CNGA1: variants seen among roughly 807,000 people sequenced by gnomAD.
The protein encoded by CNGA1 is cyclic nucleotide gated channel subunit alpha 1, also known as cyclic nucleotide-gated channel alpha-1.
A neutral mutation model predicts 69.7 loss-of-function variants in CNGA1; 53 were observed. That is an observed-to-expected ratio of 0.76 (90% CI 0.61 to 0.96). The LOEUF is 0.96. Ranked by LOEUF, CNGA1 falls within the 40% of genes least tolerant of loss-of-function variation. CNGA1 has a pLI of 0.00. For missense variants in CNGA1, 739 were observed against 811.2 expected, an observed-to-expected ratio of 0.91 and a Z score of 1.08; for synonymous variants, 249 against 283.5, an observed-to-expected ratio of 0.88 and a Z score of 1.22.
At chr4:47,956,094 G>C (rs544452814) in intron 3 of CNGA1, among the ~76,000 whole-genome samples, 1 of 152,300 alleles carries the variant, frequency 6.6e-6, no homozygotes, top group Non-Finnish European at 1.5e-5. Context: ...TACTGAGTCT[G>C]CTTTGCAGCT....
intron 1 of CNGA1, chr4:48,013,029 T>C (rs1467818915): frequency 1.3e-5 from 2 of 152,186 alleles, no homozygotes; most frequent in African/African-American, 4.8e-5. Context: ...AAATTTGTCT[T>C]TCTTGATAGA....
At chr4:47,954,424 G>A (rs900421023) in intron 3 of CNGA1, among the ~76,000 whole-genome samples, 1 of 152,204 alleles carries the variant, frequency 6.6e-6, no homozygotes, top group East Asian at 1.9e-4. Context: ...GCCCACTTGG[G>A]CTCTGGCACC....
intron 3 of CNGA1, among the ~76,000 whole-genome samples, chr4:47,973,285 C>G (rs907839279): frequency 1.3e-5 from 2 of 151,958 alleles, no homozygotes; most frequent in Non-Finnish European, 2.9e-5. Flanking sequence ...CCATTTTGGC[C>G]AGGCTGGTTT....
chr4:47,937,378 A>C lies in CNGA1; in HGVS notation c.1104T>G (p.Asp368Glu). The change falls in exon 11 of 11, where the codon GAT (aspartate) becomes GAG (glutamate). Residue 368 changes from aspartate (D) to glutamate (E), a missense_variant. Transcript: ENST00000514170. The stretch of plus-strand genomic sequence containing the variant: ...CAACCACCACAAAGACATACTCAGA[A>C]TCCCTCACGGGAGGGGGTGTTTCAC... ...TIGETPPPVRDSEYVFVVVDF... is the reference protein window; with the variant it reads ...TIGETPPPVRESEYVFVVVDF... 1 of 1,614,160 alleles carries C rather than the reference A, an allele frequency of 6.2e-7. No individual in the cohort carries two copies. Among genetic ancestry groups the C allele is most frequent in the Non-Finnish European group, 8.5e-7 (1 of 1,180,020 alleles).
rs1271366557 is a variant in CNGA1, at chr4:47,943,279, A to T, written c.339T>A (p.Asp113Glu). The T allele has an allele frequency of 1.3e-6, 2 of 1,543,840 alleles. No homozygotes were observed. The highest frequency in any genetic ancestry group is 1.2e-5 in the South Asian group (1 of 82,596). Residue 113 changes from aspartate (D) to glutamate (E), a missense_variant, in exon 8 of 11, where the codon GAT becomes GAA. By Grantham distance (45) the Asp-to-Glu change is conservative. Transcript: ENST00000514170. ...GGTCGTTTTTATTTTCGTTTTTATC[A>T]TCTGACTTGCTGAAAAAATTAAGCA... is the stretch of plus-strand genomic sequence containing the variant. ...KKKKEKKSKS[D>E]DKNENKNDPE...
At chr4:47,984,661 TATACACACAC>T (rs1288050020) in intron 2 of CNGA1, among the ~76,000 whole-genome samples, 7 of 96,966 alleles carry the variant, frequency 7.2e-5, no homozygotes, top group African/African-American at 1.2e-4. Flanking sequence ...TATATATATA[TATACACACAC>T]ACACACACAC....
chr4:48,014,098 G>C (rs1715277442), intron 1 of CNGA1, among the ~76,000 whole-genome samples: 1 of 152,200 alleles, frequency 6.6e-6, no homozygotes, highest in Non-Finnish European at 1.5e-5. Flanking sequence ...GAGGGTCTCA[G>C]TTATTATCGC....
At chr4:48,007,147 ATTTG>A (rs1714955205) in intron 2 of CNGA1, among the ~76,000 whole-genome samples, 1 of 152,162 alleles carries the variant, frequency 6.6e-6, no homozygotes, top group African/African-American at 2.4e-5. Context: ...AGCCAAATAA[ATTTG>A]TTTTTCAAAA....
At chr4:47,949,727 T>G in intron 6 of CNGA1, 106 bp downstream of exon 6, 1 of 797,778 alleles carries the variant, frequency 1.3e-6, no homozygotes, top group Non-Finnish European at 2.1e-6. Context: ...TATTAGATCA[T>G]TTGATTAATA....
chr4:47,988,509 C>T (rs16851699), intron 2 of CNGA1, among the ~76,000 whole-genome samples: 1,576 of 152,004 alleles, frequency 0.01, 20 homozygotes, highest in African/African-American at 0.035. Context: ...TAAACTCCAC[C>T]TTAAATGGGT....
At chr4:47,960,326 A>G (rs146297797) in intron 3 of CNGA1, among the ~76,000 whole-genome samples, 207 of 152,340 alleles carry the variant, frequency 1.4e-3, no homozygotes, top group South Asian at 2.1e-3. Flanking sequence ...ACTGTCTGGC[A>G]GTTACCTACA....
At chr4:47,982,479 G>A (rs937840389) in intron 2 of CNGA1, among the ~76,000 whole-genome samples, 4 of 151,876 alleles carry the variant, frequency 2.6e-5, no homozygotes, top group Non-Finnish European at 5.9e-5. Context: ...TTCCAGAATT[G>A]TAAAAATTAA....
intron 4 of CNGA1, among the ~76,000 whole-genome samples, chr4:47,952,208 C>A (rs1350695083): frequency 1.7e-4 from 26 of 149,214 alleles, no homozygotes; most frequent in Admixed American, 1.7e-3. Context: ...ACTAAAAATA[C>A]AAAAAAAAAA....
At chr4:48,012,503 C>A (rs963347679) in intron 1 of CNGA1, among the ~76,000 whole-genome samples, 15 of 143,316 alleles carry the variant, frequency 1.0e-4, no homozygotes, top group Non-Finnish European at 2.3e-4. Context: ...TAGTCAAAAT[C>A]AAAAATCCTT....
rs569974659 is a variant in CNGA1, at chr4:47,977,895, C to T, written c.-15+3498G>A. On this transcript the variant is annotated intron_variant, in intron 3 of 10. Transcript: ENST00000514170. ...AGGCTGGAGTGCAATGGCACGATCT[C>T]GGCTCACTGCAACCTCTGCCTCCCT... is the stretch of plus-strand genomic sequence containing the variant. 1.9e-4 allele frequency among the ~76,000 whole-genome samples: 29 copies of T among 151,288 alleles called. No individual in the cohort carries two copies. The South Asian group carries it at 5.2e-3, about 27-fold the overall frequency.
intron 2 of CNGA1, among the ~76,000 whole-genome samples, chr4:47,983,206 C>G (rs1411494748): frequency 6.6e-6 from 1 of 152,236 alleles, no homozygotes; most frequent in Non-Finnish European, 1.5e-5. Context: ...CATGTGGTCT[C>G]TTGTGCCACA....
At chr4:48,015,460 T>G (rs940900350) in intron 1 of CNGA1, among the ~76,000 whole-genome samples, 15 of 152,106 alleles carry the variant, frequency 9.9e-5, no homozygotes, top group Non-Finnish European at 1.5e-4. Flanking sequence ...GTAATAAAAT[T>G]AATAGCACTG....
At chr4:48,012,354 C>G (rs746121171) in intron 1 of CNGA1, among the ~76,000 whole-genome samples, 3 of 151,974 alleles carry the variant, frequency 2.0e-5, no homozygotes, top group Non-Finnish European at 4.4e-5. Context: ...GGAACCAAAC[C>G]CAGGGCTGTT....
At chr4:47,968,036 C>T (rs540075821) in intron 3 of CNGA1, among the ~76,000 whole-genome samples, 2 of 152,046 alleles carry the variant, frequency 1.3e-5, no homozygotes, top group South Asian at 4.2e-4. Context: ...AAATAGCACA[C>T]ATGTACAATG....
Sources: allele counts gnomAD v4.1 joint callset (sites outside exome capture counted in the v4.1 genomes callset), GRCh38; gene constraint gnomAD v4.1.1; transcripts MANE v1.5; gene names NCBI Gene and HGNC (gene_info 2026-07-23, HGNC 2026-07-21).